RTL4: variants seen among roughly 807,000 people sequenced by gnomAD.
RTL4 encodes retrotransposon Gag like 4, also known as retrotransposon Gag-like protein 4.
A neutral mutation model predicts 5.3 loss-of-function variants in RTL4; 4 were observed. The observed-to-expected ratio is 0.75, with a 90% CI of 0.37 to 1.72. The LOEUF (loss-of-function observed/expected upper bound fraction) is 1.72, where lower values mean the gene tolerates loss of function less well. RTL4 is among the 40% of genes most tolerant of loss of function. The probability of loss-of-function intolerance (pLI) is 0.04; values close to 1 mark genes in which losing one functional copy is unlikely to be tolerated. For synonymous variants in RTL4, 98 were observed against 87.3 expected, an observed-to-expected ratio of 1.12 and a Z score of -0.68; for missense variants, 260 against 227.1, an observed-to-expected ratio of 1.14 and a Z score of -0.93.
chrX:112,268,610 AGGCCCTGT>A, the RTL4 span, among the ~76,000 whole-genome samples: 1 of 111,113 alleles, frequency 9.0e-6, no homozygotes, highest in Admixed American at 9.6e-5. Flanking sequence ...TCTGCTCACC[AGGCCCTGT>A]ACCAGCCTGT....
chrX:112,132,669 G>A, the RTL4 span, among the ~76,000 whole-genome samples: 13 of 112,279 alleles, frequency 1.2e-4, 1 homozygote, highest in Admixed American at 7.5e-4. Context: ...ACCAACCCTA[G>A]CACCCTGGCT....
the RTL4 span, among the ~76,000 whole-genome samples, chrX:112,294,992 C>T: frequency 8.9e-6 from 1 of 112,332 alleles, no homozygotes; most frequent in South Asian, 3.7e-4. Context: ...TCAAATATTG[C>T]TACAAATGCA....
the RTL4 span, among the ~76,000 whole-genome samples, chrX:112,084,575 A>T: frequency 1.8e-5 from 2 of 111,269 alleles, no homozygotes; most frequent in Non-Finnish European, 3.8e-5. Flanking sequence ...CAGCAAACTA[A>T]TATACAGTCT....
At chrX:112,237,743 T>C in the RTL4 span, among the ~76,000 whole-genome samples, 1 of 112,111 alleles carries the variant, frequency 8.9e-6, no homozygotes, top group Admixed American at 9.5e-5. Context: ...TTACCGAGCG[T>C]TACCTGTATA....
the RTL4 span, among the ~76,000 whole-genome samples, chrX:112,279,984 C>A: frequency 9.0e-6 from 1 of 111,275 alleles, no homozygotes. Flanking sequence ...AATGTAAACA[C>A]TGATCTAAAC....
At chrX:112,288,418 C>T in the RTL4 span, among the ~76,000 whole-genome samples, 3 of 111,975 alleles carry the variant, frequency 2.7e-5, no homozygotes, top group African/African-American at 9.7e-5. Context: ...TTAGTGAGGG[C>T]ACTGCCATAG....
chrX:112,115,180 C>T, the RTL4 span, among the ~76,000 whole-genome samples: 12 of 111,080 alleles, frequency 1.1e-4, no homozygotes, highest in South Asian at 3.9e-4. Context: ...GGAATAGTTG[C>T]GCTCACTGAC....
At chrX:112,445,622 G>A in the RTL4 span, among the ~76,000 whole-genome samples, 1 of 111,123 alleles carries the variant, frequency 9.0e-6, no homozygotes, top group Non-Finnish European at 1.9e-5. Flanking sequence ...CTTATATCTC[G>A]GACTAATAAA....
At chrX:112,390,351 C>CTAAG in the RTL4 span, among the ~76,000 whole-genome samples, 8 of 101,751 alleles carry the variant, frequency 7.9e-5, no homozygotes, top group Non-Finnish European at 2.0e-5. Context: ...ACTCAGGAGG[C>CTAAG]TAAGGCACGA....
At chrX:112,208,962 A>G in the RTL4 span, among the ~76,000 whole-genome samples, 1 of 112,439 alleles carries the variant, frequency 8.9e-6, no homozygotes, top group Non-Finnish European at 1.9e-5. Context: ...GGCCATAGCC[A>G]GGTCAGCCTT....
chrX:112,261,489 T>C, the RTL4 span, among the ~76,000 whole-genome samples: 1 of 111,506 alleles, frequency 9.0e-6, no homozygotes, highest in East Asian at 2.8e-4. Flanking sequence ...TTACAAGGGA[T>C]GTGAAGGACC....
At chrX:112,395,347 T>A in the RTL4 span, among the ~76,000 whole-genome samples, 1 of 111,792 alleles carries the variant, frequency 8.9e-6, no homozygotes, top group Non-Finnish European at 1.9e-5. Context: ...GATGTCTCAA[T>A]GTGCTTCATA....
chrX:112,422,397 T>C, the RTL4 span, among the ~76,000 whole-genome samples: 9 of 111,153 alleles, frequency 8.1e-5, no homozygotes, highest in African/African-American at 2.9e-4. Flanking sequence ...ATTTGCTATC[T>C]ATGACCCAGA....
At chrX:112,373,056 T>C in the RTL4 span, among the ~76,000 whole-genome samples, 1 of 111,618 alleles carries the variant, frequency 9.0e-6, no homozygotes, top group African/African-American at 3.3e-5. Context: ...AACAGTTTAC[T>C]CTTGTGTCTT....
chrX:112,266,610 A>C, the RTL4 span, among the ~76,000 whole-genome samples: 1 of 111,148 alleles, frequency 9.0e-6, no homozygotes, highest in East Asian at 2.8e-4. Flanking sequence ...CCCAGCCAAA[A>C]TGCTCCACAT....
chrX:112,309,024 G>C, the RTL4 span, among the ~76,000 whole-genome samples: 1 of 111,817 alleles, frequency 8.9e-6, no homozygotes, highest in Non-Finnish European at 1.9e-5. Flanking sequence ...TTTACTCCAA[G>C]ATTTGAGGAA....
chrX:112,188,627 G>C, the RTL4 span, among the ~76,000 whole-genome samples: 4 of 111,221 alleles, frequency 3.6e-5, no homozygotes, highest in African/African-American at 1.3e-4. Context: ...ATGTTCCCTA[G>C]TTCTGGCATT....
chrX:112,404,970 G>C, the RTL4 span, among the ~76,000 whole-genome samples: 1 of 112,046 alleles, frequency 8.9e-6, no homozygotes, highest in Non-Finnish European at 1.9e-5. Flanking sequence ...CAGAAATTCT[G>C]ATTGTGCAGG....
chrX:112,115,880 G>A, the RTL4 span, among the ~76,000 whole-genome samples: 1 of 112,599 alleles, frequency 8.9e-6, no homozygotes, highest in South Asian at 3.7e-4. Context: ...AGGATAGGTA[G>A]GATAGATGGG....
Sources: allele counts gnomAD v4.1 joint callset (sites outside exome capture counted in the v4.1 genomes callset), GRCh38; gene constraint gnomAD v4.1.1; transcripts MANE v1.5; gene names NCBI Gene and HGNC (gene_info 2026-07-23, HGNC 2026-07-21).